The following WNK4 variants were observed in gnomAD, a reference collection of about 807,000 sequenced individuals.
The protein encoded by WNK4 is WNK lysine deficient protein kinase 4.
In WNK4, 94 loss-of-function variants were observed where a neutral mutation model predicts 116.2. That is an observed-to-expected ratio of 0.81 (90% CI 0.68 to 0.96). WNK4 has a LOEUF of 0.96. Ranked by LOEUF, WNK4 falls within the 40% of genes least tolerant of loss-of-function variation. The pLI is 0.00. For synonymous variants in WNK4, 655 were observed against 672.7 expected (o/e 0.97, Z 0.41); for missense variants, 1,542 against 1,650.6 (o/e 0.93, Z 1.14).
rs2054491521 is a variant in WNK4, at chr17:42,782,223, G to T, written c.619-535G>T. Among the ~76,000 whole-genome samples, 1 of 152,138 alleles carries T rather than the reference G, an allele frequency of 6.6e-6. No homozygotes were observed. Among genetic ancestry groups the T allele is most frequent in the Admixed American group, 6.5e-5 (1 of 15,276 alleles). ...GGGGTGAGGGGAGGGAGAGGAGCCG[G>T]GGCGGGACGACTATGGGGGTGGGCA... On this transcript the variant is annotated intron_variant, in intron 1 of 18. Coordinates refer to ENST00000246914, the MANE Select transcript of WNK4 (RefSeq NM_032387.5). This position sits in a 1 kb window ranked among gnomAD's most constrained non-coding sequence, Gnocchi z 4.2.
In WNK4 at chr17:42,784,195, C is replaced by T. The variant is rs748824659; in HGVS notation, c.1012+38C>T. On this transcript the variant is annotated intron_variant, in intron 3 of 18. Transcript: ENST00000246914. The surrounding 1 kb of genome is among the most constrained non-coding windows in gnomAD (Gnocchi z 4.4). ...AGGAGGGTCCATGCCATTCCTTCCT[C>T]CCCCACCTCAGAAGAGAACCTGGGG... The T allele has an allele frequency of 5.9e-5, 94 of 1,600,852 alleles. No homozygotes were observed. The highest frequency in any genetic ancestry group is 7.3e-5 in the Non-Finnish European group (86 of 1,177,766).
chr17:42,788,735 A>C lies in WNK4; in HGVS notation c.2095A>C (p.Lys699Gln), dbSNP rs1214581159. ...VECQLQTHNS[K>Q]MVTFRFDLDG... ...GTGCCAGCTACAGACCCATAACAGCAAGATGGTGACCTTCCGATTTGATCT... is the reference window on the plus strand; with the variant it reads ...GTGCCAGCTACAGACCCATAACAGCCAGATGGTGACCTTCCGATTTGATCT... Residue 699 changes from lysine (K) to glutamine (Q), a missense_variant, in exon 11 of 19, where the codon AAG becomes CAG. This residue lies in a region of WNK4 where 808 missense variants were observed against 873.6 expected (regional missense o/e 0.92). Transcript: ENST00000246914. 1 of 1,614,036 alleles carries C rather than the reference A, an allele frequency of 6.2e-7. No homozygotes were observed. Among genetic ancestry groups the C allele is most frequent in the East Asian group, 2.2e-5 (1 of 44,890 alleles).
intron 6 of WNK4, 152 bp downstream of exon 6, chr17:42,785,634 C>A: frequency 9.8e-7 from 1 of 1,020,056 alleles, no homozygotes; most frequent in Non-Finnish European, 1.5e-6. Context: ...CTCCCTACCT[C>A]TCCAGCCCTA....
intron 7 of WNK4, 26 bp downstream of exon 7, chr17:42,787,568 T>C: frequency 6.2e-7 from 1 of 1,612,382 alleles, no homozygotes; most frequent in East Asian, 2.2e-5. Flanking sequence ...TCTTGAGACG[T>C]AGGTCCCAGA....
In WNK4 at chr17:42,782,381, G is replaced by A. The variant is rs942475411; in HGVS notation, c.619-377G>A. On this transcript the variant is annotated intron_variant, in intron 1 of 18. Transcript: ENST00000246914. The surrounding 1 kb of genome is among the most constrained non-coding windows in gnomAD (Gnocchi z 4.2). ...CCTTGCCGGCCCCAATTCCCTGCCCGCAGTATCCTGCTGCCCGCCTGCTGC... is the reference window on the plus strand; with the variant it reads ...CCTTGCCGGCCCCAATTCCCTGCCCACAGTATCCTGCTGCCCGCCTGCTGC... Among the ~76,000 whole-genome samples, 3 of 152,206 alleles carry A rather than the reference G, an allele frequency of 2.0e-5. No homozygotes were observed. The highest frequency in any genetic ancestry group is 1.3e-4 in the Admixed American group (2 of 15,284).
rs369420670 is a variant in WNK4, at chr17:42,785,148, A to T, written c.1222A>T (p.Ile408Phe). ...HKVKIPEVKE[I>F]IEGCIRTDKN... is the part of the protein sequence containing the mutation. The stretch of plus-strand genomic sequence containing the variant: ...GGTGAAGATACCCGAGGTGAAGGAG[A>T]TCATTGAAGGCTGCATCCGCACGGA... The change falls in exon 5 of 19, where the codon ATC becomes TTC. Residue 408 changes from isoleucine to phenylalanine, a missense_variant. Around this residue, in one of 7 missense-constraint regions of WNK4, gnomAD observed 808 missense variants for 873.6 expected, o/e 0.92. Transcript: ENST00000246914. The T allele has an allele frequency of 6.2e-6, 10 of 1,613,782 alleles. No individual in the cohort carries two copies. The highest frequency in any genetic ancestry group is 8.5e-6 in the Non-Finnish European group (10 of 1,179,970).
rs369127827 is a variant in WNK4, at chr17:42,787,753, T to G, written c.1742-25T>G. On this transcript the variant is annotated intron_variant, in intron 7 of 18. Coordinates refer to ENST00000246914, the MANE Select transcript of WNK4 (RefSeq NM_032387.5). ...ACTATTCCCTTTTATTTCCCCTTTT[T>G]TTGATCCTCTCCCTCCCCAACCAGC... 1.4e-5 allele frequency: 23 copies of G among 1,609,768 alleles called. No individual in the cohort carries two copies. The East Asian group carries it at 4.9e-4, about 34-fold the overall frequency.
chr17:42,788,344 A>G lies in WNK4; in HGVS notation c.1977A>G (p.Gln659=). 3 of 1,613,870 alleles carry G rather than the reference A, an allele frequency of 1.9e-6. No individual in the cohort carries two copies. Among genetic ancestry groups the G allele is most frequent in the Non-Finnish European group, 2.5e-6 (3 of 1,180,008 alleles). ...GLSDVGEGMG[Q]MRRPPGRNLR... is the part of the protein sequence containing the mutation. ...GCGATGTGGGAGAAGGGATGGGACA[A>G]ATGAGGAGACCCCCAGGGAGGAATC... The change falls in exon 10 of 19, where the codon CAA becomes CAG. Residue 659 remains glutamine, a synonymous_variant. Coordinates refer to ENST00000246914, the MANE Select transcript of WNK4 (RefSeq NM_032387.5).
chr17:42,789,392 C>A (rs2054585579), intron 11 of WNK4, among the ~76,000 whole-genome samples: 1 of 152,114 alleles, frequency 6.6e-6, no homozygotes, highest in African/African-American at 2.4e-5. Flanking sequence ...CGTGGTGGCT[C>A]ACACCTGTAA....
At chr17:42,792,911 T>C (rs933992185) in intron 11 of WNK4, among the ~76,000 whole-genome samples, 2 of 152,202 alleles carry the variant, frequency 1.3e-5, no homozygotes, top group Admixed American at 6.5e-5. Flanking sequence ...TGAAGATAAC[T>C]CAGGCTCTGG....
chr17:42,796,025 T>G lies in WNK4; in HGVS notation c.3423T>G (p.Leu1141=). Residue 1141 remains leucine (L), a synonymous_variant, in exon 16 of 19, where the codon CTT becomes CTG. Coordinates refer to ENST00000246914, the MANE Select transcript of WNK4 (RefSeq NM_032387.5). The part of the protein sequence containing the change: ...DEEFWAELQS[L]RQKHLSEVET... ...AGTTCTGGGCTGAGCTGCAGAGTCT[T>G]CGGCAGAAGTGAGTCTCGGGAGGAT... is the stretch of plus-strand genomic sequence containing the variant. The G allele has an allele frequency of 6.2e-7, 1 of 1,613,732 alleles. No homozygotes were observed. Among genetic ancestry groups the G allele is most frequent in the Non-Finnish European group, 8.5e-7 (1 of 1,179,988 alleles).
Position 42,788,384 on chromosome 17 carries a change from C to A in WNK4, c.2017C>A (p.Arg673=). Residue 673 remains arginine, a synonymous_variant, in exon 10 of 19, where the codon CGA becomes AGA. Transcript: ENST00000246914. ...AGGGAGGAATCTCCGGCGCAGACCCCGATCCCGGCTGCGGGTCACTAGTGT... is the reference window on the plus strand; with the variant it reads ...AGGGAGGAATCTCCGGCGCAGACCCAGATCCCGGCTGCGGGTCACTAGTGT... ...PPGRNLRRRP[R]SRLRVTSVSD... 6.2e-7 allele frequency: 1 copy of A among 1,612,966 alleles called. No individual in the cohort carries two copies. Among genetic ancestry groups the A allele is most frequent in the South Asian group, 1.1e-5 (1 of 91,020 alleles).
In WNK4 at chr17:42,795,879, G is replaced by A. The variant is rs1393704293; in HGVS notation, c.3277G>A (p.Glu1093Lys). Reference sequence around the variant, plus strand: ...TGAGGAGGAAGGAGATGATGGGAAGGAACCCCAAGTTGGGGGCAGCCCCCA... The same window carrying A: ...TGAGGAGGAAGGAGATGATGGGAAGAAACCCCAAGTTGGGGGCAGCCCCCA... ...GVEEEGDDGK[E>K]PQVGGSPQPL... Residue 1093 changes from glutamate to lysine, a missense_variant, in exon 16 of 19, where the codon GAA becomes AAA. Coordinates refer to ENST00000246914, the MANE Select transcript of WNK4 (RefSeq NM_032387.5). 4.3e-6 allele frequency: 7 copies of A among 1,611,964 alleles called. No individual in the cohort carries two copies. The African/African-American group carries it at 8.0e-5, about 18-fold the overall frequency.
rs570673973 is a variant in WNK4, at chr17:42,787,506, T to A, written c.1705T>A (p.Phe569Ile). The part of the protein sequence containing the change: ...EEPEADQHQP[F>I]LFRHASYSST... ...GCCAGAGGCAGACCAGCACCAGCCCTTCCTTTTCCGCCACGCCAGCTACTC... is the reference window on the plus strand; with the variant it reads ...GCCAGAGGCAGACCAGCACCAGCCCATCCTTTTCCGCCACGCCAGCTACTC... Residue 569 changes from phenylalanine to isoleucine, a missense_variant, in exon 7 of 19, where the codon TTC becomes ATC. This residue lies in a region of WNK4 where 808 missense variants were observed against 873.6 expected (regional missense o/e 0.92). Coordinates refer to ENST00000246914, the MANE Select transcript of WNK4 (RefSeq NM_032387.5). 6.9e-7 allele frequency: 1 copy of A among 1,448,514 alleles called. No homozygotes were observed. The highest frequency in any genetic ancestry group is 9.3e-7 in the Non-Finnish European group (1 of 1,078,250). The allele number at this position is 1,448,514 out of a possible 1,614,324, so 89.7% of individuals were successfully genotyped here.
At position 42,785,400 on chromosome 17, in the gene WNK4, G is replaced by A. The variant is rs145499777; in HGVS notation, c.1394G>A (p.Gly465Glu). The change falls in exon 6 of 19, where the codon GGG (glycine) becomes GAG (glutamate). Residue 465 changes from glycine to glutamate, a missense_variant. Gly to Glu is a moderately conservative substitution (Grantham distance 98, BLOSUM62 -2). Transcript: ENST00000246914. Reference protein sequence around the residue: ...LWLRMEDARRGGRPRDNQAIE... With the variant: ...LWLRMEDARREGRPRDNQAIE... ...CTGCGCATGGAGGACGCGCGGCGCGGGGGGCGCCCACGGGACAACCAGGCC... is the reference window on the plus strand; with the variant it reads ...CTGCGCATGGAGGACGCGCGGCGCGAGGGGCGCCCACGGGACAACCAGGCC... 2 of 1,581,120 alleles carry A rather than the reference G, an allele frequency of 1.3e-6. No individual in the cohort carries two copies. The highest frequency in any genetic ancestry group is 1.7e-6 in the Non-Finnish European group (2 of 1,163,422).
intron 2 of WNK4, chr17:42,783,500 C>A: frequency 3.3e-6 from 1 of 302,844 alleles, no homozygotes; most frequent in Non-Finnish European, 6.3e-6. Flanking sequence ...CCTGGCACCT[C>A]CTCCCACCCT....
At chr17:42,793,861 T>C (rs1311133151) in intron 12 of WNK4, 132 bp downstream of exon 12, 8 of 1,236,250 alleles carry the variant, frequency 6.5e-6, no homozygotes, top group Non-Finnish European at 9.1e-6. Flanking sequence ...TGGCGCTTTT[T>C]TTTTTTTTTG....
chr17:42,790,092 G>T (rs78450370), intron 11 of WNK4, among the ~76,000 whole-genome samples: 1 of 152,152 alleles, frequency 6.6e-6, no homozygotes, highest in African/African-American at 2.4e-5. Flanking sequence ...GATGTGGAAG[G>T]GGGAAGGGAA....
At chr17:42,794,293 T>G in intron 12 of WNK4, 1 of 428,544 alleles carries the variant, frequency 2.3e-6, no homozygotes, top group Non-Finnish European at 4.2e-6. Context: ...GTTGCAAGAA[T>G]TATATAAAGA....
Sources: gnomAD v4.1 joint callset for allele counts (sites outside exome capture counted in the v4.1 genomes callset) on GRCh38, gnomAD v4.1.1 for gene constraint, gnomAD v4.1.1 regional missense constraint, Gnocchi (gnomAD v3.1) non-coding constraint, MANE v1.5 for transcripts, NCBI Gene and HGNC (gene_info 2026-07-23, HGNC 2026-07-21) for gene names.